The following LRRC4C variants were observed in gnomAD, a reference collection of about 807,000 sequenced individuals.
LRRC4C encodes the protein leucine-rich repeat-containing protein 4C.
Under a neutral mutation model 33.6 loss-of-function variants are expected in LRRC4C, and 5 were observed. That is an observed-to-expected ratio of 0.15 (90% confidence interval 0.08 to 0.31). LRRC4C has a LOEUF of 0.31. Ranked by LOEUF, LRRC4C falls within the 10% of genes least tolerant of loss-of-function variation. The pLI is 1.00. For synonymous variants in LRRC4C, 329 were observed against 302.0 expected (o/e 1.09, Z -0.93); for missense variants, 560 against 796.7 (o/e 0.70, Z 3.58).
At chr11:41,301,457 A>T (rs886416882) in intron 1 of LRRC4C, among the ~76,000 whole-genome samples, 2 of 152,166 alleles carry the variant, frequency 1.3e-5, no homozygotes, top group Admixed American at 6.5e-5. Context: ...AGAGTTTTGT[A>T]TTTAAATTGC....
chr11:40,638,758 T>C (rs1279553006), intron 3 of LRRC4C, among the ~76,000 whole-genome samples: 2 of 146,238 alleles, frequency 1.4e-5, no homozygotes, highest in Non-Finnish European at 3.0e-5. Flanking sequence ...AATGGTTTTT[T>C]CAATTGGTCG....
At chr11:40,920,237 C>G (rs1400821681) in intron 2 of LRRC4C, among the ~76,000 whole-genome samples, 2 of 152,132 alleles carry the variant, frequency 1.3e-5, no homozygotes, top group African/African-American at 4.8e-5. Context: ...AGACACCTTT[C>G]AAATACTCCA....
chr11:40,990,718 A>C (rs71484128), intron 1 of LRRC4C, among the ~76,000 whole-genome samples: 1 of 152,236 alleles, frequency 6.6e-6, no homozygotes, highest in Non-Finnish European at 1.5e-5. Context: ...AGAGAAGAAC[A>C]CAAACTAAAT....
chr11:40,218,717 A>ATCTG (rs1268113135), intron 5 of LRRC4C, among the ~76,000 whole-genome samples: 3 of 151,130 alleles, frequency 2.0e-5, no homozygotes, highest in Non-Finnish European at 4.4e-5. Context: ...CTATCTATCT[A>ATCTG]TCTATCTATC....
At chr11:40,853,813 A>G (rs2135766887) in intron 2 of LRRC4C, among the ~76,000 whole-genome samples, 1 of 152,314 alleles carries the variant, frequency 6.6e-6, no homozygotes, top group African/African-American at 2.4e-5. Flanking sequence ...CCGTGATAGC[A>G]AATAACATCA....
intron 2 of LRRC4C, among the ~76,000 whole-genome samples, chr11:40,704,448 T>G (rs1306944621): frequency 6.6e-6 from 1 of 152,162 alleles, no homozygotes; most frequent in Non-Finnish European, 1.5e-5. Flanking sequence ...CTTTAGTCAT[T>G]TAAATAATCA....
Position 40,140,867 on chromosome 11 carries a change from A to AAAAAG in LRRC4C, c.-95-19_-95-15dup, listed in dbSNP as rs1002174700. 9.2e-5 allele frequency: 14 copies of AAAAAG among 152,096 alleles called. No individual in the cohort carries two copies. The highest frequency in any genetic ancestry group is 3.4e-4 in the African/African-American group (14 of 41,298). 9.4% of individuals were successfully genotyped at this position (152,096 alleles called of 1,614,324 possible). ...GCGTTTGCCAATCTAAAAAAAAAAA[A>AAAAAG]AAAAGAAAAGAAAAGAAAAAAAAGC... On this transcript the variant is annotated splice_polypyrimidine_tract_variant and intron_variant, in intron 5 of 6. Coordinates refer to ENST00000528697, the MANE Select transcript of LRRC4C (RefSeq NM_001258419.2).
At chr11:41,032,249 G>C (rs1185654348) in intron 1 of LRRC4C, among the ~76,000 whole-genome samples, 1 of 152,028 alleles carries the variant, frequency 6.6e-6, no homozygotes, top group Non-Finnish European at 1.5e-5. Context: ...TGCTTATTGA[G>C]TCAAGAGTAT....
intron 1 of LRRC4C, among the ~76,000 whole-genome samples, chr11:41,391,048 TA>T (rs201006692): frequency 6.8e-5 from 10 of 147,518 alleles, no homozygotes; most frequent in South Asian, 4.3e-4. Context: ...AGGGTAAAGG[TA>T]AAAAAAAAAT....
chr11:40,737,206 G>A (rs921572843), intron 2 of LRRC4C, among the ~76,000 whole-genome samples: 6 of 152,048 alleles, frequency 3.9e-5, no homozygotes, highest in Admixed American at 3.3e-4. Context: ...ACTAGGTATT[G>A]ATGGAATGTA....
chr11:41,193,218 G>A (rs913718079), intron 1 of LRRC4C, among the ~76,000 whole-genome samples: 1 of 152,088 alleles, frequency 6.6e-6, no homozygotes, highest in Admixed American at 6.6e-5. Context: ...TGTACCTGAA[G>A]TTGGAAAGTA....
chr11:41,031,713 C>T (rs184948816), intron 1 of LRRC4C, among the ~76,000 whole-genome samples: 3 of 152,024 alleles, frequency 2.0e-5, no homozygotes, highest in Admixed American at 1.3e-4. Flanking sequence ...AAGCTAAGAT[C>T]AGGCAAAATT....
chr11:40,254,265 C>A (rs1028752126), intron 4 of LRRC4C, among the ~76,000 whole-genome samples: 2 of 152,172 alleles, frequency 1.3e-5, no homozygotes, highest in Non-Finnish European at 2.9e-5. Flanking sequence ...GTTAGCCATT[C>A]ACACTTTAAT....
chr11:40,164,644 A>G (rs1859437060), intron 5 of LRRC4C, among the ~76,000 whole-genome samples: 1 of 152,222 alleles, frequency 6.6e-6, no homozygotes, highest in Non-Finnish European at 1.5e-5. Flanking sequence ...TATGTAAGAG[A>G]TAAGAAAGTT....
intron 1 of LRRC4C, among the ~76,000 whole-genome samples, chr11:40,949,176 G>A (rs1156940879): frequency 6.6e-6 from 1 of 152,140 alleles, no homozygotes; most frequent in African/African-American, 2.4e-5. Flanking sequence ...CTTTTGAGAA[G>A]TGTCTGTTCA....
intron 3 of LRRC4C, among the ~76,000 whole-genome samples, chr11:40,331,945 T>C (rs907084472): frequency 6.6e-6 from 1 of 152,198 alleles, no homozygotes; most frequent in African/African-American, 2.4e-5. Context: ...ATATATATTC[T>C]ATTGGTTCAG....
chr11:40,751,804 T>C (rs1057135535), intron 2 of LRRC4C, among the ~76,000 whole-genome samples: 4 of 152,002 alleles, frequency 2.6e-5, no homozygotes, highest in African/African-American at 4.8e-5. Context: ...CAAATCAATC[T>C]TGAGCAAAAA....
At chr11:41,047,096 C>A (rs1188827983) in intron 1 of LRRC4C, among the ~76,000 whole-genome samples, 1 of 152,026 alleles carries the variant, frequency 6.6e-6, no homozygotes, top group Non-Finnish European at 1.5e-5. Context: ...AATGTGACAA[C>A]ATATTTATAA....
At chr11:40,223,238 A>C (rs1163643304) in intron 5 of LRRC4C, among the ~76,000 whole-genome samples, 1 of 152,088 alleles carries the variant, frequency 6.6e-6, no homozygotes, top group Non-Finnish European at 1.5e-5. Context: ...TGTAATCAGC[A>C]AAGCCACTGA....
Sources: allele counts gnomAD v4.1 joint callset (sites outside exome capture counted in the v4.1 genomes callset), GRCh38; gene constraint gnomAD v4.1.1; transcripts MANE v1.5; gene names NCBI Gene and HGNC (gene_info 2026-07-23, HGNC 2026-07-21).